AK8: variants seen among roughly 807,000 people sequenced by gnomAD.
The protein encoded by AK8 is ATP-AMP transphosphorylase 8.
AK8 carries 44 observed loss-of-function variants against 54.6 expected under a neutral mutation model. The observed-to-expected ratio is 0.81, with a 90% CI of 0.63 to 1.04. The LOEUF is 1.04. Ranked by LOEUF, AK8 falls within the 50% of genes least tolerant of loss-of-function variation. The probability of loss-of-function intolerance (pLI) is 0.00; values close to 1 mark genes in which losing one functional copy is unlikely to be tolerated. For synonymous variants in AK8, 239 were observed against 245.6 expected, an observed-to-expected ratio of 0.97 and a Z score of 0.25; for missense variants, 555 against 613.6, an observed-to-expected ratio of 0.90 and a Z score of 1.01.
chr9:132,771,581 T>C (rs1488455335), intron 11 of AK8, among the ~76,000 whole-genome samples: 1 of 152,070 alleles, frequency 6.6e-6, no homozygotes, highest in East Asian at 1.9e-4. Flanking sequence ...TTGATTGAAA[T>C]GTGAAGGCAG....
intron 11 of AK8, among the ~76,000 whole-genome samples, chr9:132,766,955 T>A (rs1433261595): frequency 6.6e-6 from 1 of 152,176 alleles, no homozygotes; most frequent in Non-Finnish European, 1.5e-5. Context: ...TAGATCTCTA[T>A]CTCTCCTCAT....
intron 11 of AK8, among the ~76,000 whole-genome samples, chr9:132,737,706 T>C (rs566926358): frequency 6.6e-6 from 1 of 152,254 alleles, no homozygotes; most frequent in Non-Finnish European, 1.5e-5. Flanking sequence ...AAACTAGAAA[T>C]AGAAGGGAAA....
intron 11 of AK8, among the ~76,000 whole-genome samples, chr9:132,740,300 G>C (rs918776799): frequency 4.6e-5 from 7 of 152,182 alleles, no homozygotes; most frequent in African/African-American, 1.7e-4. Context: ...CTGGGTACTG[G>C]ATTATGCTTA....
chr9:132,778,962 G>A (rs1839344401), intron 11 of AK8, among the ~76,000 whole-genome samples: 2 of 148,590 alleles, frequency 1.3e-5, no homozygotes, highest in Non-Finnish European at 2.9e-5. Context: ...TTCGCCGCAT[G>A]TGTTACCAGA....
chr9:132,878,404 C>T (rs1336857402), upstream of AK8: 9 of 1,240,040 alleles, frequency 7.3e-6, no homozygotes, highest in South Asian at 2.4e-4. The surrounding 1 kb of genome is among the most constrained non-coding windows in gnomAD (Gnocchi z 4.7). Context: ...GCCCCCGCCC[C>T]GACCTCCCCG....
intron 5 of AK8, among the ~76,000 whole-genome samples, chr9:132,852,596 C>G (rs1167324371): frequency 7.1e-6 from 1 of 140,456 alleles, no homozygotes; most frequent in Non-Finnish European, 1.5e-5. Context: ...GGTGACAGAG[C>G]AAGACTCCAT....
At chr9:132,867,343 T>C (rs1843644191) in intron 2 of AK8, among the ~76,000 whole-genome samples, 1 of 152,234 alleles carries the variant, frequency 6.6e-6, no homozygotes, top group Admixed American at 6.5e-5. Context: ...TTTATGTTTA[T>C]GCCGTTTTAT....
In AK8 at chr9:132,803,923, T is replaced by G. The variant is rs1840586878; in HGVS notation, c.979+10715A>C. Among the ~76,000 whole-genome samples, 1 of 151,872 alleles carries G rather than the reference T, an allele frequency of 6.6e-6. No homozygotes were observed. The highest frequency in any genetic ancestry group is 2.1e-4 in the South Asian group (1 of 4,798). On this transcript the variant is annotated intron_variant, in intron 10 of 12. Coordinates refer to ENST00000298545, the MANE Select transcript of AK8 (RefSeq NM_152572.3). This position sits in a 1 kb window ranked among gnomAD's most constrained non-coding sequence, Gnocchi z 4.4. ...TCAAGAGATGGAGACCTGGCCAATA[T>G]GGTGAAACCCCATCTCTACTAAAAA...
At chr9:132,801,182 C>A (rs1251144762) in intron 10 of AK8, among the ~76,000 whole-genome samples, 1 of 152,132 alleles carries the variant, frequency 6.6e-6, no homozygotes, top group Non-Finnish European at 1.5e-5. Flanking sequence ...CCTGCCTCGG[C>A]CTCCCAAAGT....
intron 12 of AK8, 86 bp downstream of exon 12, chr9:132,727,368 G>A: frequency 8.0e-7 from 1 of 1,248,828 alleles, no homozygotes; most frequent in Admixed American, 1.7e-5. Flanking sequence ...TATCCCTGCA[G>A]TGTTTCCACC....
chr9:132,831,562 G>C (rs570152808), intron 5 of AK8, among the ~76,000 whole-genome samples: 1 of 152,174 alleles, frequency 6.6e-6, no homozygotes, highest in Non-Finnish European at 1.5e-5. Context: ...AGGAAGCGGG[G>C]TCAGGCAACT....
At chr9:132,786,753 C>T (rs1355933115) in intron 11 of AK8, among the ~76,000 whole-genome samples, 3 of 152,014 alleles carry the variant, frequency 2.0e-5, no homozygotes, top group Admixed American at 2.0e-4. Context: ...AATTCAACAT[C>T]TAAGGGTAAA....
intron 3 of AK8, among the ~76,000 whole-genome samples, chr9:132,864,614 A>G: frequency 6.6e-6 from 1 of 152,176 alleles, no homozygotes; most frequent in East Asian, 1.9e-4. Flanking sequence ...ACTGTACATC[A>G]TATCATCAGA....
At chr9:132,731,442 G>A (rs1836841096) in intron 11 of AK8, among the ~76,000 whole-genome samples, 2 of 152,244 alleles carry the variant, frequency 1.3e-5, no homozygotes, top group South Asian at 4.1e-4. Context: ...GGGTGGGGAA[G>A]CCCTGCCCTG....
chr9:132,824,845 T>C (rs1205310417), intron 8 of AK8, among the ~76,000 whole-genome samples: 2 of 152,202 alleles, frequency 1.3e-5, no homozygotes, highest in South Asian at 2.1e-4. Flanking sequence ...GCATCATCAA[T>C]GGCATGTACT....
At chr9:132,773,230 C>T (rs571804116) in intron 11 of AK8, among the ~76,000 whole-genome samples, 1 of 152,272 alleles carries the variant, frequency 6.6e-6, no homozygotes, top group African/African-American at 2.4e-5. Context: ...CAGGCCTGGA[C>T]CACTCTTCCC....
intron 5 of AK8, among the ~76,000 whole-genome samples, chr9:132,848,704 C>G (rs1445021204): frequency 6.6e-6 from 1 of 152,100 alleles, no homozygotes. Flanking sequence ...GACCATCTTG[C>G]TAGAAGTGGG....
At chr9:132,772,292 T>C (rs1410657870) in intron 11 of AK8, among the ~76,000 whole-genome samples, 6 of 152,242 alleles carry the variant, frequency 3.9e-5, no homozygotes. Context: ...AGGGTTGAAT[T>C]GTGTTCCACA....
chr9:132,827,889 G>T, intron 7 of AK8, 124 bp downstream of exon 7: 1 of 919,632 alleles, frequency 1.1e-6, no homozygotes, highest in Non-Finnish European at 1.6e-6. Flanking sequence ...GCCTGTGGCA[G>T]CCTTCCTCGT....
Sources: allele counts gnomAD v4.1 joint callset (sites outside exome capture counted in the v4.1 genomes callset), GRCh38; gene constraint gnomAD v4.1.1; non-coding constraint Gnocchi (gnomAD v3.1); transcripts MANE v1.5; gene names NCBI Gene and HGNC (gene_info 2026-07-23, HGNC 2026-07-21).